The following EFCAB12 variants were observed in gnomAD, a reference collection of about 807,000 sequenced individuals.
EFCAB12 encodes EF-hand calcium-binding domain-containing protein 12.
EFCAB12 carries 43 observed loss-of-function variants against 53.6 expected under a neutral mutation model. That is an observed-to-expected ratio of 0.80 (90% CI 0.63 to 1.03). EFCAB12 has a LOEUF of 1.03. Among genes scored for constraint, EFCAB12 ranks in the 50% least tolerant of loss-of-function variants. EFCAB12 has a pLI of 0.00. For synonymous variants in EFCAB12, 269 were observed against 289.2 expected (o/e 0.93, Z 0.71); for missense variants, 646 against 730.6 (o/e 0.88, Z 1.34).
intron 1 of EFCAB12, among the ~76,000 whole-genome samples, chr3:129,422,608 C>T (rs1044579837): frequency 5.9e-5 from 9 of 152,260 alleles, no homozygotes; most frequent in African/African-American, 1.7e-4. Flanking sequence ...CCTTATCCTC[C>T]AGGTCCCATC....
chr3:129,417,341 C>CCAAAAAAAAAAAAAAAAAAA (rs2072129818), intron 3 of EFCAB12, among the ~76,000 whole-genome samples: 1 of 63,666 alleles, frequency 1.6e-5, no homozygotes, highest in Non-Finnish European at 3.7e-5. Context: ...AAAAAAAAAC[C>CCAAAAAAAAAAAAAAAAAAA]AAAAAAAAAA....
intron 7 of EFCAB12, 106 bp from the exon 8 acceptor site, chr3:129,402,685 A>C: frequency 3.4e-5 from 37 of 1,082,022 alleles, no homozygotes; most frequent in Non-Finnish European, 4.5e-5. Flanking sequence ...TCTAAGTCTC[A>C]AACGAGAGCT....
rs773618930 is a variant in EFCAB12 at position 129,418,471 on chromosome 3, G to T, written c.487-23C>A. 12 of 1,574,576 alleles carry T rather than the reference G, an allele frequency of 7.6e-6. No individual in the cohort carries two copies. The South Asian group carries it at 1.2e-4, about 15-fold the overall frequency. On this transcript the variant is annotated intron_variant, in intron 2 of 8. Transcript: ENST00000505956. ...CTTCTGGAAGAGGTGAGAGGGTAGG[G>T]CAGAGGAGAGAGTTCAAAGGAGACA... is the stretch of plus-strand genomic sequence containing the variant.
intron 5 of EFCAB12, among the ~76,000 whole-genome samples, chr3:129,409,906 T>C (rs1170943475): frequency 6.6e-6 from 1 of 152,230 alleles, no homozygotes; most frequent in Non-Finnish European, 1.5e-5. Flanking sequence ...TTAGTAGATA[T>C]AGCACTTAGC....
At position 129,401,929 on chromosome 3, in the gene EFCAB12, C is replaced by G. The variant is rs1021530417; in HGVS notation, c.1461-78G>C. The stretch of plus-strand genomic sequence containing the variant: ...GAGGCTTCATCGCAGAGCCCACCAA[C>G]TGTGACCAAAGTGGAGATTTAGCAC... On this transcript the variant is annotated intron_variant, in intron 8 of 8. Coordinates refer to ENST00000505956, the MANE Select transcript of EFCAB12 (RefSeq NM_207307.3). 4.6e-6 allele frequency: 7 copies of G among 1,527,634 alleles called. No homozygotes were observed. The Admixed American group carries it at 6.0e-5, about 13-fold the overall frequency. The allele number at this position is 1,527,634 out of a possible 1,614,324, so 94.6% of individuals were successfully genotyped here.
intron 1 of EFCAB12, among the ~76,000 whole-genome samples, chr3:129,425,051 C>A (rs1189485085): frequency 6.6e-6 from 1 of 152,104 alleles, no homozygotes; most frequent in Admixed American, 6.5e-5. Flanking sequence ...GACAGTTCCA[C>A]ATGTTGGAAG....
At chr3:129,423,536 G>C (rs2072214862) in intron 1 of EFCAB12, among the ~76,000 whole-genome samples, 1 of 152,158 alleles carries the variant, frequency 6.6e-6, no homozygotes, top group Admixed American at 6.5e-5. Flanking sequence ...GCTGAGGTGG[G>C]AGGATCACTT....
At chr3:129,409,166 G>T (rs1160658856) in intron 5 of EFCAB12, among the ~76,000 whole-genome samples, 4 of 152,216 alleles carry the variant, frequency 2.6e-5, no homozygotes, top group African/African-American at 9.7e-5. Context: ...AAGGACATTC[G>T]CGGGGCCACA....
rs1357907135 is a variant in EFCAB12, at chr3:129,421,738, C to T, written c.115G>A (p.Ala39Thr). 6.2e-6 allele frequency: 10 copies of T among 1,613,654 alleles called. No individual in the cohort carries two copies. The African/African-American group carries it at 8.0e-5, about 13-fold the overall frequency. ...APVFDPEPVI[A>T]HCFKQFQQKD... ...TGCTGGAACTGCTTGAAGCAGTGGG[C>T]AATGACCGGTTCAGGATCAAAGACG... The change falls in exon 2 of 9, where the codon GCC (alanine) becomes ACC (threonine). Residue 39 changes from alanine to threonine, a missense_variant. Physicochemically the swap from Ala to Thr is moderately conservative, Grantham distance 58. Transcript: ENST00000505956.
At chr3:129,410,318 A>ATT (rs11321465) in intron 5 of EFCAB12, among the ~76,000 whole-genome samples, 3,228 of 144,130 alleles carry the variant, frequency 0.022, 99 homozygotes, top group African/African-American at 0.069. Context: ...CCTGTATATA[A>ATT]TTTTTTTTTT....
chr3:129,415,074 C>T (rs1473974810), intron 4 of EFCAB12, 171 bp downstream of exon 4: 2 of 670,486 alleles, frequency 3.0e-6, no homozygotes, highest in African/African-American at 1.9e-5. Context: ...AATATCTACT[C>T]CTTAGTTAAT....
intron 2 of EFCAB12, among the ~76,000 whole-genome samples, chr3:129,419,481 T>G (rs2072161240): frequency 6.6e-6 from 1 of 152,250 alleles, no homozygotes; most frequent in African/African-American, 2.4e-5. Context: ...ATGAATCCAT[T>G]AATTCATTTA....
intron 2 of EFCAB12, among the ~76,000 whole-genome samples, chr3:129,419,507 A>G (rs568773023): frequency 2.0e-5 from 3 of 152,350 alleles, no homozygotes; most frequent in South Asian, 2.1e-4. Context: ...TAATGGATTA[A>G]TGGGCTAAGG....
Position 129,402,551 on chromosome 3 carries a change from G to T in EFCAB12, c.1432C>A (p.Arg478Ser). Residue 478 changes from arginine to serine, a missense_variant, in exon 8 of 9, where the codon CGC becomes AGC. Transcript: ENST00000505956. ...GTAAATTCCTCAAACTCCTTAAAGC[G>T]CATTTTCTTGCTTTTCTTTGGCGTT... ...KKTPKKSKKMRFKEFEEFTRK... is the reference protein window; with the variant it reads ...KKTPKKSKKMSFKEFEEFTRK... The T allele has an allele frequency of 6.2e-7, 1 of 1,612,618 alleles. No homozygotes were observed. The highest frequency in any genetic ancestry group is 8.5e-7 in the Non-Finnish European group (1 of 1,179,210).
At position 129,408,733 on chromosome 3, in the gene EFCAB12, G is replaced by A. The variant is rs1450657989; in HGVS notation, c.1161C>T (p.Ala387=). The A allele has an allele frequency of 1.3e-6, 2 of 1,585,826 alleles. No individual in the cohort carries two copies. Among genetic ancestry groups the A allele is most frequent in the African/African-American group, 1.3e-5 (1 of 74,316 alleles). Reference sequence around the variant, plus strand: ...GGTAGACCAGAAAGTTGTGCCTGCGGGCCGAGTCAATGAGCTCCCTCATAT... The same window carrying A: ...GGTAGACCAGAAAGTTGTGCCTGCGAGCCGAGTCAATGAGCTCCCTCATAT... ...HGDMRELIDS[A]RRHNFLVYLQ... The change falls in exon 6 of 9, where the codon GCC becomes GCT. Residue 387 remains alanine, a synonymous_variant. Coordinates refer to ENST00000505956, the MANE Select transcript of EFCAB12 (RefSeq NM_207307.3).
At chr3:129,426,377 T>C (rs1347514591) in intron 1 of EFCAB12, among the ~76,000 whole-genome samples, 1 of 147,270 alleles carries the variant, frequency 6.8e-6, no homozygotes, top group Non-Finnish European at 1.5e-5. Flanking sequence ...TTTTTTTTTT[T>C]TTTTTGAGAC....
In EFCAB12 at chr3:129,411,150, C is replaced by T. The variant is rs751340640; in HGVS notation, c.1035+8G>A. 62 of 1,560,948 alleles carry T rather than the reference C, an allele frequency of 4.0e-5. No individual in the cohort carries two copies. Among genetic ancestry groups the T allele is most frequent in the Middle Eastern group, 1.8e-4 (1 of 5,482 alleles). On this transcript the variant is annotated splice_region_variant and intron_variant, in intron 5 of 8. Transcript: ENST00000505956. ...AAGCCGCATGCTCTCCTTGGGCTGG[C>T]GAGGTACCTTGTGCTGTCGCTGCCG...
intron 4 of EFCAB12, chr3:129,411,686 G>A (rs993122426): frequency 5.4e-6 from 1 of 184,772 alleles, no homozygotes; most frequent in Non-Finnish European, 1.1e-5. Flanking sequence ...AGTAATCCCA[G>A]CACTTTGGGA....
chr3:129,416,808 C>T (rs1053146440), intron 3 of EFCAB12, among the ~76,000 whole-genome samples: 9 of 152,110 alleles, frequency 5.9e-5, no homozygotes, highest in Non-Finnish European at 1.3e-4. Flanking sequence ...TACCACCACA[C>T]TGGGATAAGT....
Sources: gnomAD v4.1 joint callset for allele counts (sites outside exome capture counted in the v4.1 genomes callset) on GRCh38, gnomAD v4.1.1 for gene constraint, MANE v1.5 for transcripts, NCBI Gene and HGNC (gene_info 2026-07-23, HGNC 2026-07-21) for gene names.